TECPR2: variants seen among roughly 807,000 people sequenced by gnomAD.
The protein encoded by TECPR2 is tectonin beta-propeller repeat-containing protein 2.
Under a neutral mutation model 138.1 loss-of-function variants are expected in TECPR2, and 65 were observed. The ratio of observed to expected loss-of-function variants is 0.47; its 90% CI spans 0.39 to 0.58. TECPR2 has a LOEUF of 0.58. Ranked by LOEUF, TECPR2 falls within the 20% of genes least tolerant of loss-of-function variation. The probability of loss-of-function intolerance (pLI) is 0.00; values close to 1 mark genes in which losing one functional copy is unlikely to be tolerated. For missense variants in TECPR2, 1,553 were observed against 1,824.5 expected (o/e 0.85, Z 2.71); for synonymous variants, 746 against 749.8 (o/e 0.99, Z 0.08).
chr14:102,485,565 C>T lies in TECPR2; in HGVS notation c.3790-11414C>T, dbSNP rs142222125. 1.5e-3 allele frequency among the ~76,000 whole-genome samples: 234 copies of T among 152,320 alleles called. 1 individual carries two copies. Among genetic ancestry groups the T allele is most frequent in the African/African-American group, 5.1e-3 (213 of 41,576 alleles). On this transcript the variant is annotated intron_variant, in intron 17 of 19. Coordinates refer to ENST00000359520, the MANE Select transcript of TECPR2 (RefSeq NM_014844.5). Reference sequence around the variant, plus strand: ...GACCACAGGGTTCTAACGGGGTGCCCTGGGTCCTGCAGCAGTCCCCTCATC... The same window carrying T: ...GACCACAGGGTTCTAACGGGGTGCCTTGGGTCCTGCAGCAGTCCCCTCATC...
intron 2 of TECPR2, among the ~76,000 whole-genome samples, chr14:102,384,326 G>A (rs1281177954): frequency 6.6e-6 from 1 of 152,036 alleles, no homozygotes; most frequent in Non-Finnish European, 1.5e-5. Flanking sequence ...ATCTGGTGGG[G>A]ACCTCATGCT....
chr14:102,451,126 C>G (rs1005556063), intron 15 of TECPR2, among the ~76,000 whole-genome samples: 3 of 152,228 alleles, frequency 2.0e-5, no homozygotes, highest in African/African-American at 7.2e-5. Flanking sequence ...CAACCACATT[C>G]TGGGCAGAAC....
At chr14:102,437,780 G>A (rs1415648481) in intron 9 of TECPR2, among the ~76,000 whole-genome samples, 1 of 152,156 alleles carries the variant, frequency 6.6e-6, no homozygotes, top group Non-Finnish European at 1.5e-5. Context: ...TAGAACAGGA[G>A]AAAATGTCAT....
chr14:102,451,329 A>C (rs1890135950), intron 15 of TECPR2, among the ~76,000 whole-genome samples: 1 of 152,188 alleles, frequency 6.6e-6, no homozygotes, highest in Non-Finnish European at 1.5e-5. Context: ...AGATGCTGTG[A>C]AATCTGTGGT....
intron 1 of TECPR2, among the ~76,000 whole-genome samples, chr14:102,374,252 T>C (rs1171980106): frequency 6.6e-6 from 1 of 152,090 alleles, no homozygotes; most frequent in Non-Finnish European, 1.5e-5. Flanking sequence ...TTTTTTCTTT[T>C]GCTCTACACA....
At chr14:102,394,463 G>A (rs1281561284) in intron 2 of TECPR2, among the ~76,000 whole-genome samples, 2 of 152,160 alleles carry the variant, frequency 1.3e-5, no homozygotes, top group Non-Finnish European at 2.9e-5. Context: ...TTAGCTGGGT[G>A]TGGTGGCACA....
Position 102,415,714 on chromosome 14 carries a change from G to A in TECPR2, c.638+921G>A, listed in dbSNP as rs1389774306. Among the ~76,000 whole-genome samples, 2 of 152,148 alleles carry A rather than the reference G, an allele frequency of 1.3e-5. No homozygotes were observed. Among genetic ancestry groups the A allele is most frequent in the African/African-American group, 4.8e-5 (2 of 41,442 alleles). The stretch of plus-strand genomic sequence containing the variant: ...AGTCTACAGTCATGGATTGTCGATT[G>A]GCCGATGGGAGCTGGAAGAGTTCCC... On this transcript the variant is annotated intron_variant, in intron 5 of 19. Transcript: ENST00000359520. The surrounding 1 kb of genome is among the most constrained non-coding windows in gnomAD (Gnocchi z 4.3).
chr14:102,409,455 A>G (rs912668713), intron 4 of TECPR2, among the ~76,000 whole-genome samples: 5 of 152,076 alleles, frequency 3.3e-5, no homozygotes, highest in African/African-American at 1.2e-4. Context: ...ACCTGCCATC[A>G]TGCCCGACTA....
At chr14:102,494,018 A>G in intron 17 of TECPR2, among the ~76,000 whole-genome samples, 1 of 151,910 alleles carries the variant, frequency 6.6e-6, no homozygotes, top group African/African-American at 2.4e-5. Context: ...CCAGTTGCTC[A>G]TTTTATTTCC....
In TECPR2 at chr14:102,415,739, C is replaced by T. The variant is rs563442650; in HGVS notation, c.638+946C>T. ...GGCCGATGGGAGCTGGAAGAGTTCC[C>T]GTCTTGTGTCTCCCAGGAAAGGGCA... On this transcript the variant is annotated intron_variant, in intron 5 of 19. Transcript: ENST00000359520. The surrounding 1 kb of genome is among the most constrained non-coding windows in gnomAD (Gnocchi z 4.3). Among the ~76,000 whole-genome samples the T allele has an allele frequency of 3.1e-4, 47 of 152,226 alleles. No homozygotes were observed. The highest frequency in any genetic ancestry group is 2.6e-4 in the Non-Finnish European group (18 of 68,002).
In TECPR2 at chr14:102,376,818, T is replaced by C; in HGVS notation, c.97T>C (p.Ser33Pro). Residue 33 changes from serine (S) to proline (P), a missense_variant, in exon 2 of 20, where the codon TCT becomes CCT. Coordinates refer to ENST00000359520, the MANE Select transcript of TECPR2 (RefSeq NM_014844.5). Reference sequence around the variant, plus strand: ...GACAAAGATCCAGAAGGGTTTCCGCTCTATCGTGGTCTATCTCACGGCCCT... The same window carrying C: ...GACAAAGATCCAGAAGGGTTTCCGCCCTATCGTGGTCTATCTCACGGCCCT... ...IPTKIQKGFR[S>P]IVVYLTALDT... The C allele has an allele frequency of 2.5e-6, 4 of 1,614,184 alleles. No homozygotes were observed. The highest frequency in any genetic ancestry group is 3.4e-6 in the Non-Finnish European group (4 of 1,180,030).
At chr14:102,394,325 A>C (rs963099113) in intron 2 of TECPR2, among the ~76,000 whole-genome samples, 8 of 152,106 alleles carry the variant, frequency 5.3e-5, no homozygotes, top group Non-Finnish European at 5.9e-5. Flanking sequence ...ACAAATTACT[A>C]CCAGGCACGG....
intron 13 of TECPR2, 85 bp from the exon 14 acceptor site, chr14:102,449,544 C>G: frequency 6.4e-7 from 1 of 1,568,872 alleles, no homozygotes; most frequent in Non-Finnish European, 8.7e-7. Context: ...AGGTGTGGAC[C>G]TGAGCTAGAA....
chr14:102,411,698 TCAAAAAAAAAAA>T lies in TECPR2; in HGVS notation c.481-2937_481-2926del, dbSNP rs1324788989. On this transcript the variant is annotated intron_variant, in intron 4 of 19. Transcript: ENST00000359520. ...CAGGTGAAATAAACAGCCATGTTGC[TCAAAAAAAAAAA>T]AAAAAAAAAAAAAAAAAAAAAGAAG... Among the ~76,000 whole-genome samples, 2 of 9,670 alleles carry T rather than the reference TCAAAAAAAAAAA, an allele frequency of 2.1e-4. 1 individual carries two copies. The highest frequency in any genetic ancestry group is 3.8e-4 in the Non-Finnish European group (2 of 5,242). 6.3% of individuals were successfully genotyped at this position (9,670 alleles called of 152,430 possible).
chr14:102,497,795 CAAA>C, intron 19 of TECPR2, 76 bp downstream of exon 19: 1 of 1,459,474 alleles, frequency 6.9e-7, no homozygotes, highest in South Asian at 1.4e-5. Context: ...GGGGGGCTCT[CAAA>C]GAAGCCGACC....
intron 9 of TECPR2, 49 bp downstream of exon 9, chr14:102,435,260 G>A: frequency 6.5e-7 from 1 of 1,535,468 alleles, no homozygotes; most frequent in South Asian, 1.2e-5. Flanking sequence ...TCTTTCTTAA[G>A]GGTAATAATT....
chr14:102,428,878 G>A (rs1188426258), intron 7 of TECPR2, among the ~76,000 whole-genome samples: 5 of 146,932 alleles, frequency 3.4e-5, no homozygotes, highest in Non-Finnish European at 7.5e-5. Flanking sequence ...ATGGAGTTTC[G>A]CTCTTGTTGC....
intron 1 of TECPR2, among the ~76,000 whole-genome samples, chr14:102,373,693 A>AATT (rs1243595758): frequency 6.6e-6 from 1 of 152,106 alleles, no homozygotes; most frequent in Admixed American, 6.6e-5. Flanking sequence ...AGAGGAATGC[A>AATT]ATTATTATTA....
At position 102,499,111 on chromosome 14, in the gene TECPR2, A is replaced by G; in HGVS notation, c.*854A>G. ...CTCCTGGAGAGCACACTTCAGCTGA[A>G]ACAGTAAAGCCTGATGGGTGCAAAT... On this transcript the variant is annotated 3_prime_UTR_variant, in exon 20 of 20. Transcript: ENST00000359520. The G allele has an allele frequency of 1.4e-6, 1 of 702,986 alleles. No homozygotes were observed. Among genetic ancestry groups the G allele is most frequent in the Non-Finnish European group, 2.6e-6 (1 of 384,982 alleles). The allele number at this position is 702,986 out of a possible 1,614,324, so 43.5% of individuals were successfully genotyped here. A position where few individuals can be genotyped will look rare whatever the true frequency, so the allele number is the denominator to read the frequency against.
Sources: allele counts gnomAD v4.1 joint callset (sites outside exome capture counted in the v4.1 genomes callset), GRCh38; gene constraint gnomAD v4.1.1; non-coding constraint Gnocchi (gnomAD v3.1); transcripts MANE v1.5; gene names NCBI Gene and HGNC (gene_info 2026-07-23, HGNC 2026-07-21).